The following CYP2C19 variants were observed in gnomAD, a reference collection of about 807,000 sequenced individuals.
The protein encoded by CYP2C19 is cytochrome P450 family 2 subfamily C member 19.
Under a neutral mutation model 40.9 loss-of-function variants are expected in CYP2C19, and 59 were observed. The observed-to-expected ratio is 1.44, with a 90% CI of 1.17 to 1.79. The LOEUF is 1.79. Among genes scored for constraint, CYP2C19 ranks in the 40% most tolerant of loss-of-function variants. CYP2C19 has a pLI of 0.00. For synonymous variants in CYP2C19, 253 were observed against 208.7 expected, an observed-to-expected ratio of 1.21 and a Z score of -1.83; for missense variants, 754 against 596.9, an observed-to-expected ratio of 1.26 and a Z score of -2.74.
intron 1 of CYP2C19, chr10:94,774,219 C>T (rs529439260): frequency 6.6e-6 from 1 of 152,100 alleles, no homozygotes; most frequent in African/African-American, 2.4e-5. Context: ...TGAGGTTAGT[C>T]CATGGGTAAT....
At chr10:94,850,978 T>C (rs901562939) in intron 8 of CYP2C19, among the ~76,000 whole-genome samples, 7 of 152,186 alleles carry the variant, frequency 4.6e-5, no homozygotes, top group Non-Finnish European at 1.0e-4. Flanking sequence ...TGACCTTTGA[T>C]GTCTGCTTTA....
chr10:94,774,982 A>C (rs1848386318), intron 1 of CYP2C19, 76 bp from the exon 2 acceptor site: 7 of 1,465,732 alleles, frequency 4.8e-6, no homozygotes, highest in Non-Finnish European at 6.6e-6. Context: ...TACAATGAAA[A>C]TATGAATCTA....
chr10:94,834,787 G>T (rs570660539), intron 6 of CYP2C19, among the ~76,000 whole-genome samples: 1 of 152,258 alleles, frequency 6.6e-6, no homozygotes, highest in South Asian at 2.1e-4. Flanking sequence ...TTGGTCATGT[G>T]TGAGCTAAGT....
chr10:94,805,630 TC>T (rs957047078), intron 5 of CYP2C19, among the ~76,000 whole-genome samples: 1 of 152,164 alleles, frequency 6.6e-6, no homozygotes, highest in Non-Finnish European at 1.5e-5. Context: ...ATGCCTGTAA[TC>T]CCAGCACTTT....
intron 5 of CYP2C19, among the ~76,000 whole-genome samples, chr10:94,784,824 A>C (rs1050162997): frequency 2.6e-5 from 4 of 152,124 alleles, no homozygotes; most frequent in African/African-American, 9.6e-5. Flanking sequence ...TCTTGACCTC[A>C]GGTGATCTGC....
intron 5 of CYP2C19, among the ~76,000 whole-genome samples, chr10:94,810,575 G>A (rs1848905371): frequency 6.6e-6 from 1 of 152,002 alleles, no homozygotes; most frequent in Non-Finnish European, 1.5e-5. Flanking sequence ...CTTGTTATTG[G>A]TCTCTTCACG....
Position 94,817,829 on chromosome 10 carries a change from C to T in CYP2C19, c.820-2667C>T, listed in dbSNP as rs1214246616. On this transcript the variant is annotated intron_variant, in intron 5 of 8. Coordinates refer to ENST00000371321, the MANE Select transcript of CYP2C19 (RefSeq NM_000769.4). ...GAGATCGAGACCATCCTGGCTAAAA[C>T]GGTGAAACCCCGTCTCTACTAAAAA... 1.0e-3 allele frequency among the ~76,000 whole-genome samples: 154 copies of T among 151,618 alleles called. 1 individual carries two copies. Among genetic ancestry groups the T allele is most frequent in the East Asian group, 9.3e-3 (48 of 5,148 alleles).
chr10:94,819,460 T>C (rs1430536668), intron 5 of CYP2C19, among the ~76,000 whole-genome samples: 2 of 62,454 alleles, frequency 3.2e-5, no homozygotes, highest in African/African-American at 7.2e-5. Context: ...AGCTGGTTTT[T>C]TGAAAGGATC....
Position 94,781,880 on chromosome 10 carries a change from TA to T in CYP2C19, c.707del (p.Asn236ThrfsTer13), listed in dbSNP as rs1848483420. Reference protein sequence around the residue: ...YFPGTHNKLLKNLAFMESDIL... With the variant: ...YFPGTHNKLLXNLAFMESDIL... Reference sequence around the variant, plus strand: ...TCCCGGGAACCCATAACAAATTACTTAAAAACCTTGCTTTTATGGAAAGTGA... The same window carrying T: ...TCCCGGGAACCCATAACAAATTACTTAAAACCTTGCTTTTATGGAAAGTGA... On this transcript the variant is annotated frameshift_variant, in exon 5 of 9. Coordinates refer to ENST00000371321, the MANE Select transcript of CYP2C19 (RefSeq NM_000769.4). LOFTEE classifies it high-confidence loss of function. 3.3e-6 allele frequency: 5 copies of T among 1,500,430 alleles called. No homozygotes were observed. Among genetic ancestry groups the T allele is most frequent in the South Asian group, 2.9e-5 (2 of 69,742 alleles). 92.9% of individuals were successfully genotyped at this position (1,500,430 alleles called of 1,614,324 possible).
chr10:94,775,349 G>A (rs377056911), intron 2 of CYP2C19, 41 bp from the exon 3 acceptor site: 2 of 1,612,640 alleles, frequency 1.2e-6, no homozygotes, highest in East Asian at 2.2e-5. Flanking sequence ...CCTCTTTCTT[G>A]CCTGGGATCT....
rs535042967 is a variant in CYP2C19 at position 94,850,136 on chromosome 10, C to T, written c.1291+78C>T. 438 of 1,500,774 alleles carry T rather than the reference C, an allele frequency of 2.9e-4. 4 individuals carry two copies. The Middle Eastern group carries it at 8.5e-3, about 29-fold the overall frequency. 93.0% of individuals were successfully genotyped at this position (1,500,774 alleles called of 1,614,324 possible). ...ATCAGTTGGAACTTACATGTGCCTT[C>T]TCTGCAGTGGTACAGTTACTCTTTG... On this transcript the variant is annotated intron_variant, in intron 8 of 8. Coordinates refer to ENST00000371321, the MANE Select transcript of CYP2C19 (RefSeq NM_000769.4).
At chr10:94,820,803 G>T (rs1849107501) in intron 6 of CYP2C19, among the ~76,000 whole-genome samples, 166 bp downstream of exon 6, 1 of 152,190 alleles carries the variant, frequency 6.6e-6, no homozygotes, top group South Asian at 2.1e-4. Flanking sequence ...GGAATATCCT[G>T]GCCTGGTGCA....
At chr10:94,841,908 T>A (rs1849500983) in intron 6 of CYP2C19, among the ~76,000 whole-genome samples, 1 of 152,244 alleles carries the variant, frequency 6.6e-6, no homozygotes, top group Non-Finnish European at 1.5e-5. Flanking sequence ...TTCTGTGACC[T>A]AATATCTGGT....
intron 7 of CYP2C19, among the ~76,000 whole-genome samples, chr10:94,846,652 ATT>A (rs894348640): frequency 6.6e-6 from 1 of 151,888 alleles, no homozygotes; most frequent in Admixed American, 6.6e-5. Context: ...TTCCTTCTGT[ATT>A]TTTTAAACTA....
At position 94,847,756 on chromosome 10, in the gene CYP2C19, T is replaced by C. The variant is rs530800334; in HGVS notation, c.1150-2161T>C. On this transcript the variant is annotated intron_variant, in intron 7 of 8. Transcript: ENST00000371321. ...CTGCACCTGTTGTTTCCTGACTTTT[T>C]AATGATCGCCATTCTAACTGGTGTG... Among the ~76,000 whole-genome samples, 474 of 152,316 alleles carry C rather than the reference T, an allele frequency of 3.1e-3. 3 individuals are homozygous for C. Among genetic ancestry groups the C allele is most frequent in the African/African-American group, 0.011 (451 of 41,560 alleles).
chr10:94,788,402 A>T (rs539592718), intron 5 of CYP2C19, among the ~76,000 whole-genome samples: 1 of 152,114 alleles, frequency 6.6e-6, no homozygotes, highest in Admixed American at 6.6e-5. Context: ...ATTTTTTAAA[A>T]TTTTTAAATT....
chr10:94,768,862 G>A (rs1268882723), intron 1 of CYP2C19, among the ~76,000 whole-genome samples: 2 of 152,096 alleles, frequency 1.3e-5, no homozygotes, highest in East Asian at 1.9e-4. Context: ...GCTTGTACTA[G>A]GGCCTGCTTT....
chr10:94,788,493 C>A (rs749446696), intron 5 of CYP2C19, among the ~76,000 whole-genome samples: 1 of 152,062 alleles, frequency 6.6e-6, no homozygotes, highest in African/African-American at 2.4e-5. Context: ...GTTTGCTGCA[C>A]CCATCATCCT....
chr10:94,778,096 G>A (rs1315653787), intron 3 of CYP2C19, among the ~76,000 whole-genome samples: 2 of 152,126 alleles, frequency 1.3e-5, no homozygotes, highest in East Asian at 1.9e-4. Flanking sequence ...GTGTAGCCTC[G>A]AGAAGCTGGA....
Sources: gnomAD v4.1 joint callset for allele counts (sites outside exome capture counted in the v4.1 genomes callset) on GRCh38, gnomAD v4.1.1 for gene constraint, MANE v1.5 for transcripts, NCBI Gene and HGNC (gene_info 2026-07-23, HGNC 2026-07-21) for gene names.